CCDC73: variants seen among roughly 807,000 people sequenced by gnomAD.
CCDC73 encodes the protein coiled-coil domain containing 73.
Under a neutral mutation model 116.5 loss-of-function variants are expected in CCDC73, and 95 were observed. The observed-to-expected ratio is 0.82, with a 90% CI of 0.69 to 0.97. The LOEUF is 0.97. Ranked by LOEUF, CCDC73 falls within the 50% of genes least tolerant of loss-of-function variation. CCDC73 has a pLI of 0.00. For missense variants in CCDC73, 1,066 were observed against 1,206.8 expected, an observed-to-expected ratio of 0.88 and a Z score of 1.73; for synonymous variants, 398 against 401.3, an observed-to-expected ratio of 0.99 and a Z score of 0.10.
chr11:32,757,899 C>T (rs973832026), intron 2 of CCDC73, among the ~76,000 whole-genome samples: 8 of 152,132 alleles, frequency 5.3e-5, no homozygotes, highest in African/African-American at 1.9e-4. Context: ...TTCCTTTTGC[C>T]ATATAAGGTA....
chr11:32,705,390 C>G (rs1453827230), intron 3 of CCDC73, among the ~76,000 whole-genome samples: 2 of 152,154 alleles, frequency 1.3e-5, no homozygotes, highest in Admixed American at 6.5e-5. Context: ...CCACATTCCC[C>G]TCATCCAGAC....
intron 1 of CCDC73, among the ~76,000 whole-genome samples, chr11:32,776,989 G>GTATA (rs71063758): frequency 0.035 from 3,559 of 100,710 alleles, 72 homozygotes; most frequent in East Asian, 0.061. Context: ...ATATACACAT[G>GTATA]TATATATATA....
chr11:32,752,888 G>A (rs924253395), intron 2 of CCDC73, among the ~76,000 whole-genome samples: 11 of 151,998 alleles, frequency 7.2e-5, no homozygotes, highest in Admixed American at 6.6e-5. Context: ...CTGTAACCCC[G>A]AACTGCTGGG....
intron 1 of CCDC73, among the ~76,000 whole-genome samples, chr11:32,782,964 G>A (rs1476595577): frequency 2.0e-5 from 3 of 152,124 alleles, no homozygotes; most frequent in Non-Finnish European, 2.9e-5. Flanking sequence ...CCCAATAACT[G>A]TACCCTAAAA....
intron 1 of CCDC73, among the ~76,000 whole-genome samples, chr11:32,792,851 T>C (rs907798005): frequency 1.3e-5 from 2 of 152,234 alleles, no homozygotes; most frequent in African/African-American, 2.4e-5. Flanking sequence ...GGTTTTCCCA[T>C]GAAGTGTAAG....
In CCDC73 at chr11:32,656,221, G is replaced by T. The variant is rs372381718; in HGVS notation, c.646-1249C>A. Among the ~76,000 whole-genome samples the T allele has an allele frequency of 7.2e-3, 1,098 of 152,148 alleles. 12 individuals carry two copies. Among genetic ancestry groups the T allele is most frequent in the African/African-American group, 0.025 (1,028 of 41,498 alleles). ...GCCTCCCGAGCAGCTGGGACTACAG[G>T]CGCCCACCACCACGCCCGGCTAATT... is the stretch of plus-strand genomic sequence containing the variant. On this transcript the variant is annotated intron_variant, in intron 9 of 17. Coordinates refer to ENST00000335185, the MANE Select transcript of CCDC73 (RefSeq NM_001008391.4).
intron 2 of CCDC73, among the ~76,000 whole-genome samples, chr11:32,740,057 T>A (rs1850169935): frequency 6.6e-6 from 1 of 152,166 alleles, no homozygotes; most frequent in Non-Finnish European, 1.5e-5. Flanking sequence ...ATACTTTTAA[T>A]CTGTTGTTGA....
Position 32,631,389 on chromosome 11 carries a change from T to C in CCDC73, c.1185+4307A>G, listed in dbSNP as rs145117163. 1.6e-3 allele frequency among the ~76,000 whole-genome samples: 250 copies of C among 152,304 alleles called. 2 individuals are homozygous for C. The highest frequency in any genetic ancestry group is 9.2e-3 in the Admixed American group (141 of 15,284). On this transcript the variant is annotated intron_variant, in intron 14 of 17. Transcript: ENST00000335185. The stretch of plus-strand genomic sequence containing the variant: ...AGGATTAAAGTCTTACCTAGAATGT[T>C]CCCTGACCAAAACCAAATTAAATTC...
intron 3 of CCDC73, among the ~76,000 whole-genome samples, chr11:32,707,486 A>G (rs981257191): frequency 9.9e-5 from 15 of 152,028 alleles, no homozygotes; most frequent in African/African-American, 3.6e-4. Flanking sequence ...GGGAAAGTCA[A>G]AAATTTACCT....
the CCDC73 span, among the ~76,000 whole-genome samples, chr11:32,825,530 G>A: frequency 7.2e-5 from 11 of 151,950 alleles, no homozygotes; most frequent in Admixed American, 1.3e-4. Flanking sequence ...TCGAACTCCC[G>A]ACTTCAGGTG....
chr11:32,756,423 A>ATATATATATCTCCATATATATC lies in CCDC73; in HGVS notation c.135+3664_135+3685dup, dbSNP rs1385189480. 5.2e-4 allele frequency among the ~76,000 whole-genome samples: 4 copies of ATATATATATCTCCATATATATC among 7,652 alleles called. 1 individual carries two copies. The highest frequency in any genetic ancestry group is 1.3e-3 in the African/African-American group (2 of 1,552). The allele number at this position is 7,652 out of a possible 152,430, so 5.0% of individuals were successfully genotyped here. A position where few individuals can be genotyped will look rare whatever the true frequency, so the allele number is the denominator to read the frequency against. On this transcript the variant is annotated intron_variant, in intron 2 of 17. Transcript: ENST00000335185. ...TATATATATCTCCATATATATATCT[A>ATATATATATCTCCATATATATC]TATATATATCTCCATATATATCTAT...
chr11:32,760,016 G>A, intron 2 of CCDC73, 93 bp downstream of exon 2: 1 of 1,000,896 alleles, frequency 1.0e-6, no homozygotes, highest in Non-Finnish European at 1.5e-6. Context: ...CTAAACAAGA[G>A]GGATTTTTTA....
upstream of CCDC73, among the ~76,000 whole-genome samples, chr11:32,797,340 G>C (rs1298434273): frequency 1.3e-5 from 2 of 152,178 alleles, no homozygotes; most frequent in East Asian, 1.9e-4. Context: ...TTAGAACTCT[G>C]TACATCTTCC....
At chr11:32,659,619 C>A (rs545887209) in intron 9 of CCDC73, among the ~76,000 whole-genome samples, 1 of 152,152 alleles carries the variant, frequency 6.6e-6, no homozygotes, top group African/African-American at 2.4e-5. Context: ...TAAATTTGTA[C>A]AAAACACAGT....
chr11:32,745,684 T>A (rs568045959), intron 2 of CCDC73, among the ~76,000 whole-genome samples: 1 of 152,280 alleles, frequency 6.6e-6, no homozygotes, highest in South Asian at 2.1e-4. Context: ...TGATCTTTGT[T>A]TGTTTAAAGT....
intron 6 of CCDC73, among the ~76,000 whole-genome samples, chr11:32,688,927 G>C (rs1026520989): frequency 6.6e-6 from 1 of 152,146 alleles, no homozygotes; most frequent in Non-Finnish European, 1.5e-5. Context: ...AGTATGCAAG[G>C]TGATGCTTTG....
At chr11:32,734,425 CTTTTTTT>C (rs34093038) in intron 2 of CCDC73, among the ~76,000 whole-genome samples, 18 of 131,374 alleles carry the variant, frequency 1.4e-4, no homozygotes, top group African/African-American at 4.9e-4. Context: ...ATTTTTTTTT[CTTTTTTT>C]TTTTTTTTTT....
At chr11:32,750,661 T>C (rs1053954771) in intron 2 of CCDC73, among the ~76,000 whole-genome samples, 1 of 152,068 alleles carries the variant, frequency 6.6e-6, no homozygotes, top group African/African-American at 2.4e-5. Flanking sequence ...GTACCACTGA[T>C]GTTCACTTAA....
Position 32,702,801 on chromosome 11 carries a change from C to T in CCDC73, c.279+72G>A, listed in dbSNP as rs1478233759. The stretch of plus-strand genomic sequence containing the variant: ...TTGGTGACTATGGAGAACAGCTTGC[C>T]ATAATATTCATAGGAGGGGGAGGAA... On this transcript the variant is annotated intron_variant, in intron 4 of 17. Transcript: ENST00000335185. The T allele has an allele frequency of 3.9e-6, 4 of 1,021,494 alleles. No individual in the cohort carries two copies. In the African/African-American group the frequency reaches 6.3e-5, roughly 16 times the overall value. The allele number at this position is 1,021,494 out of a possible 1,614,324, so 63.3% of individuals were successfully genotyped here. A position where few individuals can be genotyped will look rare whatever the true frequency, so the allele number is the denominator to read the frequency against.
Sources: gnomAD v4.1 joint callset for allele counts (sites outside exome capture counted in the v4.1 genomes callset) on GRCh38, gnomAD v4.1.1 for gene constraint, MANE v1.5 for transcripts, NCBI Gene and HGNC (gene_info 2026-07-23, HGNC 2026-07-21) for gene names.